PFKM: variants seen among roughly 807,000 people sequenced by gnomAD.
The protein encoded by PFKM is phosphofructokinase, muscle.
Under a neutral mutation model 95.5 loss-of-function variants are expected in PFKM, and 58 were observed. That is an observed-to-expected ratio of 0.61 (90% CI 0.49 to 0.76). The LOEUF (loss-of-function observed/expected upper bound fraction) is 0.76. PFKM is among the 30% of genes least tolerant of loss of function. PFKM has a pLI of 0.00. For missense variants in PFKM, 678 were observed against 1,005.4 expected, an observed-to-expected ratio of 0.67 and a Z score of 4.40; for synonymous variants, 336 against 357.2, an observed-to-expected ratio of 0.94 and a Z score of 0.67.
At chr12:48,144,613 T>G (rs1950862745) in intron 20 of PFKM, among the ~76,000 whole-genome samples, 1 of 152,208 alleles carries the variant, frequency 6.6e-6, no homozygotes, top group Admixed American at 6.5e-5. Flanking sequence ...TGTATGATGT[T>G]TTATATTAAT....
Position 48,145,803 on chromosome 12 carries a change from T to C in PFKM, c.*95T>C, listed in dbSNP as rs1489813507. On this transcript the variant is annotated 3_prime_UTR_variant, in exon 23 of 23. Coordinates refer to ENST00000359794, the MANE Select transcript of PFKM (RefSeq NM_000289.6). This position sits in a 1 kb window ranked among gnomAD's most constrained non-coding sequence, Gnocchi z 4.3. The stretch of plus-strand genomic sequence containing the variant: ...CTCAGTGTTTTAGCTGTTTTTTTCA[T>C]TAGGTTTCCTTTTATTCTGTACCTT... The C allele has an allele frequency of 5.1e-6, 7 of 1,382,804 alleles. No individual in the cohort carries two copies. The highest frequency in any genetic ancestry group is 7.2e-6 in the Non-Finnish European group (7 of 974,616). 85.7% of individuals were successfully genotyped at this position (1,382,804 alleles called of 1,614,324 possible).
At position 48,145,238 on chromosome 12, in the gene PFKM, G is replaced by T; in HGVS notation, c.2121G>T (p.Ser707=). ...GGATCTTTGCCAATACTCCAGATTCGGGCTGTGTTCTGGGGATGCGTAAGA... is the reference window on the plus strand; with the variant it reads ...GGATCTTTGCCAATACTCCAGATTCTGGCTGTGTTCTGGGGATGCGTAAGA... ...NGRIFANTPD[S]GCVLGMRKRA... Residue 707 remains serine (S), a synonymous_variant, in exon 22 of 23, where the codon TCG becomes TCT. Coordinates refer to ENST00000359794, the MANE Select transcript of PFKM (RefSeq NM_000289.6). This position sits in a 1 kb window ranked among gnomAD's most constrained non-coding sequence, Gnocchi z 4.3. 1 of 1,614,044 alleles carries T rather than the reference G, an allele frequency of 6.2e-7. No homozygotes were observed. Among genetic ancestry groups the T allele is most frequent in the Non-Finnish European group, 8.5e-7 (1 of 1,179,998 alleles).
At position 48,139,834 on chromosome 12, in the gene PFKM, T is replaced by C. The variant is rs1202313221; in HGVS notation, c.1128-15T>C. 6.9e-6 allele frequency: 11 copies of C among 1,582,736 alleles called. No homozygotes were observed. The highest frequency in any genetic ancestry group is 2.2e-5 in the East Asian group (1 of 44,772). The stretch of plus-strand genomic sequence containing the variant: ...ATGGCCTGAAGACACCTCTCTCTAT[T>C]TGTACTTCCTACAGGAGCTTCATGA... On this transcript the variant is annotated splice_polypyrimidine_tract_variant and intron_variant, in intron 12 of 22. Coordinates refer to ENST00000359794, the MANE Select transcript of PFKM (RefSeq NM_000289.6).
Position 48,131,596 on chromosome 12 carries a change from A to G in PFKM, c.237+203A>G, listed in dbSNP as rs189797406. On this transcript the variant is annotated intron_variant, in intron 4 of 22. Transcript: ENST00000359794. ...TCCTGGGGCAGGGAGAGGGTGGAGGAGTGATCACAGGATGCTTTGCTCTTT... is the reference window on the plus strand; with the variant it reads ...TCCTGGGGCAGGGAGAGGGTGGAGGGGTGATCACAGGATGCTTTGCTCTTT... 33 of 626,716 alleles carry G rather than the reference A, an allele frequency of 5.3e-5. 1 individual carries two copies. In the East Asian group the frequency reaches 9.0e-4, roughly 17 times the overall value. 38.8% of individuals were successfully genotyped at this position (626,716 alleles called of 1,614,324 possible).
At chr12:48,131,445 C>A in intron 4 of PFKM, 52 bp downstream of exon 4, 2 of 1,326,320 alleles carry the variant, frequency 1.5e-6, no homozygotes, top group Non-Finnish European at 2.2e-6. Context: ...TTGTTTCATC[C>A]CACTCTGTTT....
At chr12:48,127,788 T>C (rs1592694736) in intron 2 of PFKM, among the ~76,000 whole-genome samples, 1 of 152,324 alleles carries the variant, frequency 6.6e-6, no homozygotes, top group East Asian at 1.9e-4. Flanking sequence ...CAACTTTTCT[T>C]TTTGGAGGGG....
intron 2 of PFKM, among the ~76,000 whole-genome samples, chr12:48,129,243 T>TTTTTTTTTTTTTTTTTTTTTTTTTC (rs1565877213): frequency 1.0e-5 from 1 of 96,178 alleles, no homozygotes; most frequent in African/African-American, 4.6e-5. Context: ...TTTTTTTTTT[T>TTTTTTTTTTTTTTTTTTTTTTTTTC]ACAGATGGAG....
chr12:48,118,771 A>G (rs1291160146), upstream of PFKM, among the ~76,000 whole-genome samples: 2 of 152,208 alleles, frequency 1.3e-5, no homozygotes, highest in Non-Finnish European at 2.9e-5. Context: ...TTCATTCCAA[A>G]TAGCTAGCTT....
Position 48,145,269 on chromosome 12 carries a change from C to G in PFKM, c.2152C>G (p.Leu718Val), listed in dbSNP as rs376295291. 1 of 1,614,098 alleles carries G rather than the reference C, an allele frequency of 6.2e-7. No individual in the cohort carries two copies. The highest frequency in any genetic ancestry group is 8.5e-7 in the Non-Finnish European group (1 of 1,179,994). Residue 718 changes from leucine to valine, a missense_variant, in exon 22 of 23, where the codon CTG becomes GTG. Coordinates refer to ENST00000359794, the MANE Select transcript of PFKM (RefSeq NM_000289.6). This position sits in a 1 kb window ranked among gnomAD's most constrained non-coding sequence, Gnocchi z 4.3. Reference sequence around the variant, plus strand: ...TGTTCTGGGGATGCGTAAGAGGGCTCTGGTCTTCCAACCAGTGGCTGAGCT... The same window carrying G: ...TGTTCTGGGGATGCGTAAGAGGGCTGTGGTCTTCCAACCAGTGGCTGAGCT... ...GCVLGMRKRA[L>V]VFQPVAELKD... is the part of the protein sequence containing the mutation.
intron 3 of PFKM, among the ~76,000 whole-genome samples, chr12:48,113,297 A>G (rs1947370179): frequency 6.6e-6 from 1 of 152,170 alleles, no homozygotes. Context: ...CTCCGTATTG[A>G]TTAAGAAGGG....
upstream of PFKM, chr12:48,118,665 T>G: frequency 1.3e-6 from 1 of 755,458 alleles, no homozygotes; most frequent in Non-Finnish European, 2.3e-6. Flanking sequence ...GAAGCCCAAT[T>G]TATATGTTTG....
At position 48,135,043 on chromosome 12, in the gene PFKM, G is replaced by A. The variant is rs759413488; in HGVS notation, c.843+5G>A. 11 of 1,602,810 alleles carry A rather than the reference G, an allele frequency of 6.9e-6. No individual in the cohort carries two copies. The highest frequency in any genetic ancestry group is 1.3e-5 in the African/African-American group (1 of 74,788). On this transcript the variant is annotated splice_donor_5th_base_variant and intron_variant, in intron 9 of 22. Coordinates refer to ENST00000359794, the MANE Select transcript of PFKM (RefSeq NM_000289.6). ...ACCTCAGAAGACATCAAGAATGTTC[G>A]TATGAATGAAGCCAGAGAGGCCTTA... is the stretch of plus-strand genomic sequence containing the variant.
At chr12:48,133,593 T>G in intron 6 of PFKM, 113 bp downstream of exon 6, 1 of 930,582 alleles carries the variant, frequency 1.1e-6, no homozygotes. Context: ...TAATGGCCAG[T>G]TTTCTGGGGC....
chr12:48,136,795 C>T (rs1217367440), intron 10 of PFKM, among the ~76,000 whole-genome samples: 1 of 150,294 alleles, frequency 6.7e-6, no homozygotes, highest in African/African-American at 2.5e-5. Context: ...TCTCTGTTGC[C>T]CAGGCTGGAG....
intron 7 of PFKM, 140 bp downstream of exon 7, chr12:48,134,416 C>A: frequency 1.3e-6 from 1 of 777,620 alleles, no homozygotes; most frequent in Non-Finnish European, 2.3e-6. Flanking sequence ...CCCTTTCCGG[C>A]CTCCATCCCC....
At position 48,146,125 on chromosome 12, in the gene PFKM, A is replaced by G. The variant is rs543335770; in HGVS notation, c.*417A>G. 1 of 247,530 alleles carries G rather than the reference A, an allele frequency of 4.0e-6. No homozygotes were observed. The highest frequency in any genetic ancestry group is 8.0e-6 in the Non-Finnish European group (1 of 124,576). The allele number at this position is 247,530 out of a possible 1,614,324, so 15.3% of individuals were successfully genotyped here. On this transcript the variant is annotated 3_prime_UTR_variant, in exon 23 of 23. Transcript: ENST00000359794. ...CTGTGCTTTTGCTTCTCCTGTTATC[A>G]TCTTCCTAAGTGGAATGTAATACTG...
intron 3 of PFKM, among the ~76,000 whole-genome samples, chr12:48,111,062 C>T (rs567420819): frequency 6.6e-6 from 1 of 152,324 alleles, no homozygotes; most frequent in South Asian, 2.1e-4. Flanking sequence ...GGTCCAGGCT[C>T]TGATCCAGCA....
At chr12:48,113,545 C>T (rs954595078) in intron 3 of PFKM, among the ~76,000 whole-genome samples, 1 of 152,108 alleles carries the variant, frequency 6.6e-6, no homozygotes, top group African/African-American at 2.4e-5. Context: ...GGAGGAATCC[C>T]GGGCTGCAGG....
chr12:48,145,712 T>C lies in PFKM; in HGVS notation c.*4T>C. ...GTCCGGGGAAGCTGCCGTCTAAACC[T>C]CTCTGGAGTGAGGGGAATAGATTAC... On this transcript the variant is annotated 3_prime_UTR_variant, in exon 23 of 23. Transcript: ENST00000359794. This position sits in a 1 kb window ranked among gnomAD's most constrained non-coding sequence, Gnocchi z 4.3. The C allele has an allele frequency of 6.2e-7, 1 of 1,614,026 alleles. No homozygotes were observed.
Sources: allele counts gnomAD v4.1 joint callset (sites outside exome capture counted in the v4.1 genomes callset), GRCh38; gene constraint gnomAD v4.1.1; non-coding constraint Gnocchi (gnomAD v3.1); transcripts MANE v1.5; gene names NCBI Gene and HGNC (gene_info 2026-07-23, HGNC 2026-07-21).